PPARA: variants seen among roughly 807,000 people sequenced by gnomAD.
The protein encoded by PPARA is peroxisome proliferator activated receptor alpha.
Under a neutral mutation model 42.2 loss-of-function variants are expected in PPARA, and 22 were observed. The ratio of observed to expected loss-of-function variants is 0.52; its 90% CI spans 0.37 to 0.74. The LOEUF is 0.74. PPARA is among the 30% of genes least tolerant of loss of function. PPARA has a pLI of 0.00. For missense variants in PPARA, 465 were observed against 608.2 expected (o/e 0.76, Z 2.48); for synonymous variants, 242 against 239.3 (o/e 1.01, Z -0.10).
Position 46,193,004 on chromosome 22 carries a change from G to A in PPARA, c.-42-5338G>A, listed in dbSNP as rs1175017421. Among the ~76,000 whole-genome samples, 1 of 152,188 alleles carries A rather than the reference G, an allele frequency of 6.6e-6. No homozygotes were observed. The highest frequency in any genetic ancestry group is 1.5e-5 in the Non-Finnish European group (1 of 68,036). ...GTGGTGAGGGGTTGGGGGCAGTGAA[G>A]ATGGTTAACAGGTACAAAAAACTAG... On this transcript the variant is annotated intron_variant, in intron 3 of 8. Coordinates refer to ENST00000407236, the MANE Select transcript of PPARA (RefSeq NM_005036.6). The surrounding 1 kb of genome is among the most constrained non-coding windows in gnomAD (Gnocchi z 5.3).
chr22:46,152,132 ATTT>A (rs780789203), intron 2 of PPARA, among the ~76,000 whole-genome samples, 162 bp downstream of exon 2: 1 of 104,680 alleles, frequency 9.6e-6, no homozygotes, highest in African/African-American at 3.8e-5. Flanking sequence ...GCATGGATTC[ATTT>A]TTTTTTTTTT....
At chr22:46,194,568 CT>C (rs1158744441) in intron 3 of PPARA, among the ~76,000 whole-genome samples, 18,087 of 125,256 alleles carry the variant, frequency 0.14, 1,096 homozygotes, top group African/African-American at 0.22. Context: ...TTGCTTTTTC[CT>C]TTTTTTTTTT....
intron 7 of PPARA, 157 bp downstream of exon 7, chr22:46,220,171 GAGCTGT>G: frequency 1.1e-6 from 1 of 892,626 alleles, no homozygotes; most frequent in South Asian, 1.4e-5. Context: ...CTGAGACTCT[GAGCTGT>G]AGCTTAACAA....
intron 3 of PPARA, among the ~76,000 whole-genome samples, chr22:46,185,467 T>C (rs1321288187): frequency 1.3e-5 from 2 of 152,196 alleles, no homozygotes; most frequent in Non-Finnish European, 2.9e-5. Flanking sequence ...CTTGTTCCCC[T>C]CTTTTGCTGC....
Position 46,225,384 on chromosome 22 carries a change from A to C in PPARA, c.711+5370A>C, listed in dbSNP as rs1235021304. 6.6e-6 allele frequency among the ~76,000 whole-genome samples: 1 copy of C among 152,098 alleles called. No individual in the cohort carries two copies. The highest frequency in any genetic ancestry group is 1.5e-5 in the Non-Finnish European group (1 of 68,008). ...TTTCAACAGTGTCTAAAAACATAAG[A>C]TGTTGACCTGTCAGGGGTTGAGAAT... On this transcript the variant is annotated intron_variant, in intron 7 of 8. Coordinates refer to ENST00000407236, the MANE Select transcript of PPARA (RefSeq NM_005036.6). The surrounding 1 kb of genome is among the most constrained non-coding windows in gnomAD (Gnocchi z 4.1).
intron 7 of PPARA, among the ~76,000 whole-genome samples, chr22:46,228,229 T>C (rs1032556341): frequency 2.6e-5 from 4 of 152,204 alleles, no homozygotes; most frequent in African/African-American, 9.7e-5. Flanking sequence ...TTGAAATTCA[T>C]AATCATCTTT....
In PPARA at chr22:46,187,999, T is replaced by C. The variant is rs1020825367; in HGVS notation, c.-42-10343T>C. Among the ~76,000 whole-genome samples, 1 of 152,188 alleles carries C rather than the reference T, an allele frequency of 6.6e-6. No individual in the cohort carries two copies. The highest frequency in any genetic ancestry group is 2.4e-5 in the African/African-American group (1 of 41,442). On this transcript the variant is annotated intron_variant, in intron 3 of 8. Transcript: ENST00000407236. The surrounding 1 kb of genome is among the most constrained non-coding windows in gnomAD (Gnocchi z 4.9). Reference sequence around the variant, plus strand: ...ACCATCTGAGAAGCCTGAGGTGGCCTCTGTGAGGATGAAAGACTTCATGGT... The same window carrying C: ...ACCATCTGAGAAGCCTGAGGTGGCCCCTGTGAGGATGAAAGACTTCATGGT...
rs1928495494 is a variant in PPARA at position 46,173,980 on chromosome 22, G to A, written c.-126-2773G>A. Among the ~76,000 whole-genome samples, 1 of 113,904 alleles carries A rather than the reference G, an allele frequency of 8.8e-6. No individual in the cohort carries two copies. The highest frequency in any genetic ancestry group is 2.4e-4 in the South Asian group (1 of 4,096). 74.7% of individuals were successfully genotyped at this position (113,904 alleles called of 152,430 possible). On this transcript the variant is annotated intron_variant, in intron 2 of 8. Coordinates refer to ENST00000407236, the MANE Select transcript of PPARA (RefSeq NM_005036.6). The surrounding 1 kb of genome is among the most constrained non-coding windows in gnomAD (Gnocchi z 4.3). ...AGCACTTTGGGAGGCCGAGGTGGGT[G>A]GATTGTGAGGTCAGGAGATCGAGAC...
intron 2 of PPARA, among the ~76,000 whole-genome samples, chr22:46,152,263 C>T (rs957493241): frequency 1.1e-4 from 16 of 151,842 alleles, no homozygotes; most frequent in Admixed American, 7.9e-4. Context: ...CTCAGCCTCC[C>T]GAGTAGCTGG....
rs368721369 is a variant in PPARA, at chr22:46,180,382, G to C, written c.-43+3546G>C. Among the ~76,000 whole-genome samples, 6 of 152,096 alleles carry C rather than the reference G, an allele frequency of 3.9e-5. No homozygotes were observed. In the East Asian group the frequency reaches 7.7e-4, roughly 20 times the overall value. Reference sequence around the variant, plus strand: ...ATGCTGTTTAGGCCCAGACTGAAAGGCTTTAAGTAACCACTCCCCCACTGA... The same window carrying C: ...ATGCTGTTTAGGCCCAGACTGAAAGCCTTTAAGTAACCACTCCCCCACTGA... On this transcript the variant is annotated intron_variant, in intron 3 of 8. Coordinates refer to ENST00000407236, the MANE Select transcript of PPARA (RefSeq NM_005036.6). The surrounding 1 kb of genome is among the most constrained non-coding windows in gnomAD (Gnocchi z 4.2).
In PPARA at chr22:46,219,785, G is replaced by A. The variant is rs551859051; in HGVS notation, c.509-27G>A. On this transcript the variant is annotated intron_variant, in intron 6 of 8. Coordinates refer to ENST00000407236, the MANE Select transcript of PPARA (RefSeq NM_005036.6). This position sits in a 1 kb window ranked among gnomAD's most constrained non-coding sequence, Gnocchi z 4.8. ...GCGCAGTCATGACCTCACTGCTCAT[G>A]CCTGTGTTTCCCCCTCCAAACCCTA... 11 of 1,612,790 alleles carry A rather than the reference G, an allele frequency of 6.8e-6. No individual in the cohort carries two copies. The highest frequency in any genetic ancestry group is 1.3e-5 in the African/African-American group (1 of 75,014).
intron 2 of PPARA, among the ~76,000 whole-genome samples, chr22:46,174,810 C>G (rs1463931319): frequency 2.0e-5 from 3 of 152,122 alleles, no homozygotes; most frequent in African/African-American, 7.2e-5. Context: ...GAGCAAGACC[C>G]TGTATCAAAA....
intron 2 of PPARA, among the ~76,000 whole-genome samples, chr22:46,168,296 G>C (rs776341657): frequency 8.0e-6 from 1 of 125,774 alleles, no homozygotes; most frequent in South Asian, 2.6e-4. Flanking sequence ...AGCTTGCAGT[G>C]AGCCAAGATC....
chr22:46,158,485 TAA>T (rs1925661419), intron 2 of PPARA, among the ~76,000 whole-genome samples: 1 of 152,238 alleles, frequency 6.6e-6, no homozygotes, highest in Admixed American at 6.5e-5. Flanking sequence ...CAAGTTTCAG[TAA>T]AAGAGACCCA....
At chr22:46,197,640 A>G (rs1279756307) in intron 3 of PPARA, among the ~76,000 whole-genome samples, 1 of 150,532 alleles carries the variant, frequency 6.6e-6, no homozygotes, top group African/African-American at 2.4e-5. Flanking sequence ...AGTGGCTCAC[A>G]CCTGTGATCA....
Position 46,232,291 on chromosome 22 carries a change from T to C in PPARA, c.1159+52T>C, listed in dbSNP as rs1191443435. The C allele has an allele frequency of 1.9e-6, 3 of 1,582,486 alleles. No homozygotes were observed. The highest frequency in any genetic ancestry group is 2.7e-5 in the African/African-American group (2 of 74,366). Reference sequence around the variant, plus strand: ...ATCATGTCACTGACAGGCTCCTGTCTTGAAAAATTTGACAATGGGAAATCC... The same window carrying C: ...ATCATGTCACTGACAGGCTCCTGTCCTGAAAAATTTGACAATGGGAAATCC... On this transcript the variant is annotated intron_variant, in intron 8 of 8. Coordinates refer to ENST00000407236, the MANE Select transcript of PPARA (RefSeq NM_005036.6). The surrounding 1 kb of genome is among the most constrained non-coding windows in gnomAD (Gnocchi z 5.3).
At chr22:46,215,416 T>TGA (rs1454100363) in intron 5 of PPARA, 83 bp downstream of exon 5, 1 of 1,564,286 alleles carries the variant, frequency 6.4e-7, no homozygotes, top group Non-Finnish European at 8.8e-7. Flanking sequence ...CAGTCATTAC[T>TGA]GAGAGATTGC....
At chr22:46,201,279 G>A (rs1222972919) in intron 4 of PPARA, among the ~76,000 whole-genome samples, 1 of 152,174 alleles carries the variant, frequency 6.6e-6, no homozygotes, top group African/African-American at 2.4e-5. Context: ...AGTGTTCTCA[G>A]CTTAGTCAAT....
rs1416117292 is a variant in PPARA, at chr22:46,184,859, A to C, written c.-43+8023A>C. Among the ~76,000 whole-genome samples the C allele has an allele frequency of 6.6e-6, 1 of 152,188 alleles. No homozygotes were observed. Among genetic ancestry groups the C allele is most frequent in the Non-Finnish European group, 1.5e-5 (1 of 68,040 alleles). ...GACAGAGCAAGACTCCGTCTCAAAA[A>C]ACAAAAAAAGTATTCTGTTGGATCG... is the stretch of plus-strand genomic sequence containing the variant. On this transcript the variant is annotated intron_variant, in intron 3 of 8. Transcript: ENST00000407236. The surrounding 1 kb of genome is among the most constrained non-coding windows in gnomAD (Gnocchi z 4.4).
Sources: gnomAD v4.1 joint callset for allele counts (sites outside exome capture counted in the v4.1 genomes callset) on GRCh38, gnomAD v4.1.1 for gene constraint, Gnocchi (gnomAD v3.1) non-coding constraint, MANE v1.5 for transcripts, NCBI Gene and HGNC (gene_info 2026-07-23, HGNC 2026-07-21) for gene names.